MOV10L1: variants seen among roughly 807,000 people sequenced by gnomAD.
The protein encoded by MOV10L1 is RNA helicase Mov10l1.
Under a neutral mutation model 143.8 loss-of-function variants are expected in MOV10L1, and 110 were observed. That is an observed-to-expected ratio of 0.76 (90% CI 0.66 to 0.90). The LOEUF (loss-of-function observed/expected upper bound fraction) is 0.90. MOV10L1 is among the 40% of genes least tolerant of loss of function. MOV10L1 has a pLI of 0.00. For synonymous variants in MOV10L1, 593 were observed against 581.1 expected (o/e 1.02, Z -0.29); for missense variants, 1,406 against 1,526.8 (o/e 0.92, Z 1.32).
chr22:50,132,558 A>G (rs9617096), intron 13 of MOV10L1, among the ~76,000 whole-genome samples: 34,182 of 152,150 alleles, frequency 0.22, 4,203 homozygotes, highest in Admixed American at 0.35. Flanking sequence ...TAAAATTTTT[A>G]AATGGCTGTT....
intron 18 of MOV10L1, among the ~76,000 whole-genome samples, chr22:50,145,463 A>G (rs1324251158): frequency 6.6e-6 from 1 of 152,196 alleles, no homozygotes; most frequent in Non-Finnish European, 1.5e-5. Context: ...TAGAAAATGT[A>G]CAAAGTTGTT....
chr22:50,157,162 A>G (rs1333795551), intron 22 of MOV10L1, among the ~76,000 whole-genome samples: 2 of 152,206 alleles, frequency 1.3e-5, no homozygotes, highest in African/African-American at 4.8e-5. Context: ...CCTTTGGAGA[A>G]TTCAGGTCCT....
chr22:50,139,566 A>T (rs2062924364), intron 15 of MOV10L1, among the ~76,000 whole-genome samples: 2 of 152,174 alleles, frequency 1.3e-5, no homozygotes, highest in African/African-American at 4.8e-5. Flanking sequence ...AAAGAAAAAA[A>T]AAAGACACTG....
chr22:50,097,168 A>G (rs954631928), intron 2 of MOV10L1, among the ~76,000 whole-genome samples: 1 of 152,206 alleles, frequency 6.6e-6, no homozygotes, highest in African/African-American at 2.4e-5. Flanking sequence ...GCTGGAGTGC[A>G]GCAGCACAGT....
chr22:50,092,069 G>T lies in MOV10L1; in HGVS notation c.166G>T (p.Asp56Tyr). 1 of 1,614,158 alleles carries T rather than the reference G, an allele frequency of 6.2e-7. No individual in the cohort carries two copies. The highest frequency in any genetic ancestry group is 1.7e-5 in the Admixed American group (1 of 60,014). Residue 56 changes from aspartate to tyrosine, a missense_variant, in exon 2 of 27, where the codon GAT becomes TAT. Around this residue, in one of 3 missense-constraint regions of MOV10L1, gnomAD observed 166 missense variants for 153.9 expected, o/e 1.08. Coordinates refer to ENST00000262794, the MANE Select transcript of MOV10L1 (RefSeq NM_018995.3). ...CTGCAGCGATTATGGCATGATTGATGATATGATCTACTTCTCCAGTGATGC... is the reference window on the plus strand; with the variant it reads ...CTGCAGCGATTATGGCATGATTGATTATATGATCTACTTCTCCAGTGATGC... ...RYCSDYGMID[D>Y]MIYFSSDAVT...
chr22:50,102,297 C>T (rs530695158), intron 3 of MOV10L1, among the ~76,000 whole-genome samples: 13 of 152,270 alleles, frequency 8.5e-5, no homozygotes, highest in Admixed American at 6.5e-4. Flanking sequence ...ATCAGCAAAC[C>T]GGTCAAGCAC....
intron 15 of MOV10L1, 27 bp downstream of exon 15, chr22:50,134,657 T>G: frequency 5.6e-6 from 9 of 1,598,628 alleles, no homozygotes; most frequent in South Asian, 1.1e-5. Flanking sequence ...TGGCTTTCTC[T>G]ACACAGGGGA....
At chr22:50,156,408 G>A (rs547064173) in intron 22 of MOV10L1, among the ~76,000 whole-genome samples, 1 of 152,246 alleles carries the variant, frequency 6.6e-6, no homozygotes, top group African/African-American at 2.4e-5. Flanking sequence ...GAGCCACCAC[G>A]CCTGGACTCC....
At chr22:50,101,605 G>T (rs563294898) in intron 3 of MOV10L1, among the ~76,000 whole-genome samples, 2 of 148,678 alleles carry the variant, frequency 1.3e-5, no homozygotes, top group East Asian at 4.0e-4. Context: ...TCCACCTCCT[G>T]GATTCAAGCA....
chr22:50,114,990 C>T (rs2062131433), intron 7 of MOV10L1, 124 bp from the exon 8 acceptor site: 1 of 1,091,018 alleles, frequency 9.2e-7, no homozygotes. Flanking sequence ...AGGCTTTGCC[C>T]CGTGTTTTTG....
At chr22:50,124,744 T>G (rs1467251015) in intron 10 of MOV10L1, among the ~76,000 whole-genome samples, 1 of 152,162 alleles carries the variant, frequency 6.6e-6, no homozygotes. Flanking sequence ...CAGACCACTC[T>G]GTGCTGCTTG....
intron 13 of MOV10L1, among the ~76,000 whole-genome samples, chr22:50,130,870 C>G (rs879868079): frequency 4.6e-5 from 7 of 152,140 alleles, no homozygotes; most frequent in Non-Finnish European, 1.0e-4. Flanking sequence ...TTGTATTTTT[C>G]TAATGACTAA....
chr22:50,148,807 G>T (rs978628897), intron 19 of MOV10L1, among the ~76,000 whole-genome samples: 2 of 152,100 alleles, frequency 1.3e-5, no homozygotes, highest in African/African-American at 2.4e-5. Flanking sequence ...GGGACTACAG[G>T]CGCCCGCCAC....
At chr22:50,096,816 T>C (rs1032013981) in intron 2 of MOV10L1, among the ~76,000 whole-genome samples, 1 of 152,216 alleles carries the variant, frequency 6.6e-6, no homozygotes, top group African/African-American at 2.4e-5. Context: ...CTTTGCCCGT[T>C]TTGAAATTAG....
At chr22:50,108,368 T>C (rs138216) in intron 4 of MOV10L1, 120 bp downstream of exon 4, 277,750 of 972,480 alleles carry the variant, frequency 0.29, 44,167 homozygotes, top group Non-Finnish European at 0.34. Context: ...AGCTTTGTCA[T>C]GGCCAAAGAG....
Position 50,144,675 on chromosome 22 carries a change from A to G in MOV10L1, c.2505+432A>G, listed in dbSNP as rs149408877. On this transcript the variant is annotated intron_variant, in intron 18 of 26. Transcript: ENST00000262794. ...CGGCTCACTGCAAGCTCCGCCTCCC[A>G]GGTTCACACCATTCTCTGGCCTCAG... Among the ~76,000 whole-genome samples, 1,416 of 150,302 alleles carry G rather than the reference A, an allele frequency of 9.4e-3. 17 individuals carry two copies. The highest frequency in any genetic ancestry group is 0.034 in the East Asian group (174 of 5,054).
intron 9 of MOV10L1, 107 bp from the exon 10 acceptor site, chr22:50,120,395 G>A: frequency 1.4e-6 from 1 of 717,396 alleles, no homozygotes; most frequent in South Asian, 1.8e-5. Flanking sequence ...CTCAGGAAAT[G>A]GATGGACTTT....
chr22:50,117,375 G>A, intron 9 of MOV10L1, 24 bp downstream of exon 9: 1 of 1,606,210 alleles, frequency 6.2e-7, no homozygotes, highest in Non-Finnish European at 8.5e-7. Flanking sequence ...AATGAGTGTG[G>A]CTCTTGGTCT....
intron 3 of MOV10L1, among the ~76,000 whole-genome samples, chr22:50,102,681 CA>C (rs2061775055): frequency 6.6e-6 from 1 of 152,102 alleles, no homozygotes; most frequent in Non-Finnish European, 1.5e-5. Flanking sequence ...GCGGGCGGAT[CA>C]CCTGAGGTTG....
Sources: allele counts gnomAD v4.1 joint callset (sites outside exome capture counted in the v4.1 genomes callset), GRCh38; gene constraint gnomAD v4.1.1; regional missense constraint gnomAD v4.1.1; transcripts MANE v1.5; gene names NCBI Gene and HGNC (gene_info 2026-07-23, HGNC 2026-07-21).